The following KANSL1 variants were observed in gnomAD, a reference collection of about 807,000 sequenced individuals.
KANSL1 encodes MLL1/MLL complex subunit KANSL1.
In KANSL1, 22 loss-of-function variants were observed where a neutral mutation model predicts 103.6. The ratio of observed to expected loss-of-function variants is 0.21; its 90% CI spans 0.15 to 0.30. KANSL1 has a LOEUF of 0.30. Ranked by LOEUF, KANSL1 falls within the 10% of genes least tolerant of loss-of-function variation. KANSL1 has a pLI of 1.00. For missense variants in KANSL1, 1,337 were observed against 1,399.8 expected (o/e 0.96, Z 0.72); for synonymous variants, 600 against 527.6 (o/e 1.14, Z -1.88).
intron 1 of KANSL1, among the ~76,000 whole-genome samples, chr17:46,211,712 T>C (rs1285248548): frequency 6.6e-6 from 1 of 152,260 alleles, no homozygotes; most frequent in Non-Finnish European, 1.5e-5. Context: ...GGCAATGTGA[T>C]CAAAATCAGA....
At chr17:46,075,129 C>A (rs2078713205) in intron 4 of KANSL1, among the ~76,000 whole-genome samples, 1 of 152,058 alleles carries the variant, frequency 6.6e-6, no homozygotes, top group African/African-American at 2.4e-5. Context: ...AAACTAAAAG[C>A]AATGATAGAT....
intron 4 of KANSL1, among the ~76,000 whole-genome samples, chr17:46,071,931 A>C (rs1117253): frequency 0.14 from 21,553 of 151,772 alleles, 2,107 homozygotes; most frequent in Non-Finnish European, 0.22. Context: ...TATCTTTTGG[A>C]GTAATCTTAC....
intron 14 of KANSL1, 89 bp downstream of exon 14, chr17:46,031,958 G>A (rs2077021583): frequency 1.9e-6 from 3 of 1,574,820 alleles, no homozygotes; most frequent in East Asian, 2.2e-5. Flanking sequence ...AGGGGGAGGG[G>A]ATGGCTAGGT....
intron 1 of KANSL1, among the ~76,000 whole-genome samples, chr17:46,202,647 C>A (rs934122736): frequency 6.6e-6 from 1 of 151,952 alleles, no homozygotes; most frequent in East Asian, 1.9e-4. Context: ...CATAAGTTAC[C>A]GAGAACATGA....
intron 1 of KANSL1, among the ~76,000 whole-genome samples, chr17:46,207,754 G>T (rs1227520838): frequency 6.6e-6 from 1 of 152,196 alleles, no homozygotes; most frequent in Non-Finnish European, 1.5e-5. Context: ...AAGGTGCGGG[G>T]ACTGCTTGAG....
intron 2 of KANSL1, among the ~76,000 whole-genome samples, chr17:46,132,768 C>A (rs908787143): frequency 6.6e-6 from 1 of 152,100 alleles, no homozygotes; most frequent in Non-Finnish European, 1.5e-5. Context: ...TATAGTTAGA[C>A]CCTGTCTCTG....
chr17:46,141,660 A>T (rs1267084724), intron 2 of KANSL1, among the ~76,000 whole-genome samples: 1 of 152,262 alleles, frequency 6.6e-6, no homozygotes, highest in Non-Finnish European at 1.5e-5. Flanking sequence ...CTCACAAAAA[A>T]TACCCTAAAT....
At chr17:46,045,165 A>G (rs2146424336) in intron 7 of KANSL1, 1 of 152,294 alleles carries the variant, frequency 6.6e-6, no homozygotes, top group African/African-American at 2.4e-5. Flanking sequence ...TTACTGCTAT[A>G]CAATGATGTA....
At chr17:46,076,927 T>C (rs1042315988) in intron 4 of KANSL1, among the ~76,000 whole-genome samples, 5 of 152,212 alleles carry the variant, frequency 3.3e-5, no homozygotes, top group African/African-American at 1.2e-4. Flanking sequence ...CTCACAGGTT[T>C]AGGGAATTCC....
intron 6 of KANSL1, among the ~76,000 whole-genome samples, chr17:46,061,011 G>GA (rs111990897): frequency 0.14 from 21,793 of 152,130 alleles, 2,130 homozygotes; most frequent in Non-Finnish European, 0.22. Context: ...TTAAAAAATT[G>GA]AAAGAAATGC....
At chr17:46,083,230 G>T (rs1463373244) in intron 3 of KANSL1, among the ~76,000 whole-genome samples, 2 of 152,100 alleles carry the variant, frequency 1.3e-5, no homozygotes, top group Non-Finnish European at 2.9e-5. Context: ...GGTAAAGGCA[G>T]AAGGTATCTT....
At chr17:46,168,094 A>G (rs2046095339) in intron 2 of KANSL1, among the ~76,000 whole-genome samples, 1 of 152,266 alleles carries the variant, frequency 6.6e-6, no homozygotes, top group African/African-American at 2.4e-5. Flanking sequence ...CAGCTGGGTC[A>G]AGTTCCTGAA....
intron 7 of KANSL1, 96 bp downstream of exon 7, chr17:46,050,437 G>T: frequency 8.0e-7 from 1 of 1,249,736 alleles, no homozygotes; most frequent in Non-Finnish European, 1.1e-6. Context: ...TACCTTGAAA[G>T]TATCTGAGTT....
chr17:46,032,416 T>C, intron 13 of KANSL1, 117 bp from the exon 14 acceptor site: 2 of 831,236 alleles, frequency 2.4e-6, no homozygotes, highest in Non-Finnish European at 3.6e-6. Flanking sequence ...CAACAGATTT[T>C]CCTTAGGATC....
chr17:46,168,490 G>A (rs577343348), intron 2 of KANSL1, among the ~76,000 whole-genome samples: 7 of 152,250 alleles, frequency 4.6e-5, no homozygotes, highest in African/African-American at 1.7e-4. Flanking sequence ...TGGATGTAGA[G>A]GCGTGTGCCA....
chr17:46,038,542 G>C lies in KANSL1; in HGVS notation c.2537C>G (p.Thr846Arg). The C allele has an allele frequency of 6.2e-7, 1 of 1,614,040 alleles. No individual in the cohort carries two copies. The highest frequency in any genetic ancestry group is 8.5e-7 in the Non-Finnish European group (1 of 1,179,936). The change falls in exon 10 of 15, where the codon ACA becomes AGA. Residue 846 changes from threonine to arginine, a missense_variant. Thr to Arg is a moderately conservative substitution (Grantham distance 71). Transcript: ENST00000432791. ...CAACCCCACACAGGTACTTACCGAT[G>C]TGCTGGCTGTAACCTGTGAGCTAGA... Reference protein sequence around the residue: ...ASSSSQVTASTSQQPVRRRRG... With the variant: ...ASSSSQVTASRSQQPVRRRRG...
At chr17:46,097,603 T>C (rs1301772341) in intron 2 of KANSL1, among the ~76,000 whole-genome samples, 3 of 152,244 alleles carry the variant, frequency 2.0e-5, no homozygotes, top group South Asian at 2.1e-4. Flanking sequence ...AACATTAACA[T>C]TGTTTAAATA....
At chr17:46,206,759 T>C (rs2047982608) in intron 1 of KANSL1, among the ~76,000 whole-genome samples, 1 of 152,254 alleles carries the variant, frequency 6.6e-6, no homozygotes, top group Non-Finnish European at 1.5e-5. Context: ...CTAATCTTCA[T>C]TTCATTTGGT....
chr17:46,137,931 T>A (rs908598991), intron 2 of KANSL1, among the ~76,000 whole-genome samples: 3 of 151,582 alleles, frequency 2.0e-5, no homozygotes, highest in African/African-American at 7.3e-5. Context: ...AAAATTCAGA[T>A]GAAAAGGTGT....
Sources: gnomAD v4.1 joint callset for allele counts (sites outside exome capture counted in the v4.1 genomes callset) on GRCh38, gnomAD v4.1.1 for gene constraint, MANE v1.5 for transcripts, NCBI Gene and HGNC (gene_info 2026-07-23, HGNC 2026-07-21) for gene names.